Variants in AHNAK observed in about 807,000 individuals in gnomAD.
The protein encoded by AHNAK is neuroblast differentiation-associated protein AHNAK.
AHNAK carries 23 observed loss-of-function variants against 37.8 expected under a neutral mutation model. The ratio of observed to expected loss-of-function variants is 0.61; its 90% CI spans 0.44 to 0.86. The LOEUF is 0.86. AHNAK is among the 40% of genes least tolerant of loss of function. The pLI, the probability that AHNAK is intolerant of heterozygous loss-of-function variation, is 0.00. For synonymous variants in AHNAK, 2,481 were observed against 2,636.3 expected, an observed-to-expected ratio of 0.94 and a Z score of 1.80; for missense variants, 7,411 against 7,319.4, an observed-to-expected ratio of 1.01 and a Z score of -0.46.
At position 62,531,590 on chromosome 11, in the gene AHNAK, C is replaced by A. The variant is rs749460935; in HGVS notation, c.2827G>T (p.Ala943Ser). The part of the protein sequence containing the change: ...KFKMPEMNIK[A>S]PKISMPDVDL... ...ACATCAGGCATGGAGATCTTGGGGG[C>A]CTTGATATTCATCTCTGGCATCTTG... Residue 943 changes from alanine (A) to serine (S), a missense_variant, in exon 5 of 5, where the codon GCC becomes TCC. Transcript: ENST00000378024. The A allele has an allele frequency of 6.2e-7, 1 of 1,613,676 alleles. No individual in the cohort carries two copies. The highest frequency in any genetic ancestry group is 1.1e-5 in the South Asian group (1 of 91,034).
chr11:62,528,879 A>G lies in AHNAK; in HGVS notation c.5538T>C (p.Pro1846=). 1.2e-6 allele frequency: 2 copies of G among 1,611,418 alleles called. No homozygotes were observed. Among genetic ancestry groups the G allele is most frequent in the Non-Finnish European group, 1.7e-6 (2 of 1,179,240 alleles). ...AKLKGPKFKM[P]EMHFKAPKIS... ...TCTTGGGGGCCTTGAAGTGCATCTCAGGCATCTTAAACTTGGGCCCTTTCA... is the reference window on the plus strand; with the variant it reads ...TCTTGGGGGCCTTGAAGTGCATCTCGGGCATCTTAAACTTGGGCCCTTTCA... Residue 1846 remains proline, a synonymous_variant, in exon 5 of 5, where the codon CCT becomes CCC. Transcript: ENST00000378024.
intron 5 of AHNAK, among the ~76,000 whole-genome samples, chr11:62,475,668 G>A (rs1000615709): frequency 3.7e-4 from 55 of 146,670 alleles, no homozygotes; most frequent in African/African-American, 1.2e-3. Context: ...GCAGTGGCGC[G>A]ATCTCAGCTC....
In AHNAK at chr11:62,529,787, G is replaced by A; in HGVS notation, c.4630C>T (p.Pro1544Ser). ...LPKADLGVSG[P>S]KVDIDVPDVN... ...TCTGGAACATCAATGTCCACCTTGGGTCCTGAAACACCAAGGTCAGCCTTG... is the reference window on the plus strand; with the variant it reads ...TCTGGAACATCAATGTCCACCTTGGATCCTGAAACACCAAGGTCAGCCTTG... Residue 1544 changes from proline to serine, a missense_variant, in exon 5 of 5, where the codon CCC (proline) becomes TCC (serine). Pro to Ser is a moderately conservative substitution (Grantham distance 74, BLOSUM62 -1). Transcript: ENST00000378024. 6.2e-7 allele frequency: 1 copy of A among 1,614,092 alleles called. No individual in the cohort carries two copies. Among genetic ancestry groups the A allele is most frequent in the South Asian group, 1.1e-5 (1 of 91,084 alleles).
intron 5 of AHNAK, among the ~76,000 whole-genome samples, chr11:62,473,740 A>T (rs1474356283): frequency 6.6e-6 from 1 of 152,000 alleles, no homozygotes; most frequent in African/African-American, 2.4e-5. Flanking sequence ...GTCACGCTAT[A>T]ATCCCAGCAC....
Position 62,522,062 on chromosome 11 carries a change from T to C in AHNAK, c.12355A>G (p.Met4119Val). The change falls in exon 5 of 5, where the codon ATG becomes GTG. Residue 4119 changes from methionine to valine, a missense_variant. Physicochemically the swap from Met to Val is conservative, Grantham distance 21. Transcript: ENST00000378024. ...EGKLKGPKFK[M>V]PDLHLKAPKI... The stretch of plus-strand genomic sequence containing the variant: ...GGTGCCTTGAGGTGCAGGTCAGGCA[T>C]TTTAAATTTGGGGCCCTTCAGTTTC... The C allele has an allele frequency of 4.3e-6, 7 of 1,614,088 alleles. No individual in the cohort carries two copies. Among genetic ancestry groups the C allele is most frequent in the Non-Finnish European group, 5.9e-6 (7 of 1,180,018 alleles).
In AHNAK at chr11:62,529,073, A is replaced by G. The variant is rs1471651104; in HGVS notation, c.5344T>C (p.Ser1782Pro). The change falls in exon 5 of 5, where the codon TCC (serine) becomes CCC (proline). Residue 1782 changes from serine (S) to proline (P), a missense_variant. Physicochemically the swap from Ser to Pro is moderately conservative, Grantham distance 74. Coordinates refer to ENST00000378024, the MANE Select transcript of AHNAK (RefSeq NM_001620.3). ...PKLNIKAPKVSMPDVDLNLKG... is the reference protein window; with the variant it reads ...PKLNIKAPKVPMPDVDLNLKG... ...AAATTCAAGTCCACATCTGGCATGGAGACCTTGGGAGCTTTTATATTCAAC... is the reference window on the plus strand; with the variant it reads ...AAATTCAAGTCCACATCTGGCATGGGGACCTTGGGAGCTTTTATATTCAAC... The G allele has an allele frequency of 3.7e-6, 6 of 1,614,066 alleles. No individual in the cohort carries two copies. In the South Asian group the frequency reaches 5.5e-5, roughly 15 times the overall value.
intron 1 of AHNAK, among the ~76,000 whole-genome samples, chr11:62,543,890 G>A (rs2134272651): frequency 6.6e-6 from 1 of 152,348 alleles, no homozygotes; most frequent in African/African-American, 2.4e-5. Context: ...TCCGGGGAGA[G>A]AAACTTTGGG....
intron 3 of AHNAK, 88 bp downstream of exon 3, chr11:62,535,857 C>T: frequency 6.7e-7 from 1 of 1,502,562 alleles, no homozygotes; most frequent in Non-Finnish European, 8.9e-7. Flanking sequence ...GCCACTCACC[C>T]ACTTCTGCCT....
Position 62,529,955 on chromosome 11 carries a change from T to C in AHNAK, c.4462A>G (p.Lys1488Glu), listed in dbSNP as rs988670652. 6.2e-7 allele frequency: 1 copy of C among 1,613,330 alleles called. No homozygotes were observed. Among genetic ancestry groups the C allele is most frequent in the African/African-American group, 1.3e-5 (1 of 74,634 alleles). Residue 1488 changes from lysine to glutamate, a missense_variant, in exon 5 of 5, where the codon AAA becomes GAA. Lys to Glu is a moderately conservative substitution (Grantham distance 56, BLOSUM62 1). Coordinates refer to ENST00000378024, the MANE Select transcript of AHNAK (RefSeq NM_001620.3). Reference sequence around the variant, plus strand: ...GCATTAATATCAACTTTGGGGCCTTTGATGTCAACATCAGGAGCTTTTATC... The same window carrying C: ...GCATTAATATCAACTTTGGGGCCTTCGATGTCAACATCAGGAGCTTTTATC... ...GEIKAPDVDI[K>E]GPKVDINAPD...
In AHNAK at chr11:62,534,089, G is replaced by A. The variant is rs781209736; in HGVS notation, c.343-15C>T. On this transcript the variant is annotated splice_polypyrimidine_tract_variant and intron_variant, in intron 4 of 4. Coordinates refer to ENST00000378024, the MANE Select transcript of AHNAK (RefSeq NM_001620.3). ...TCATCCCCGCTCTGCAGAAAGACAC[G>A]CCGGGCAGAGGTTGCAGCAGAGTCT... is the stretch of plus-strand genomic sequence containing the variant. 3.5e-5 allele frequency: 53 copies of A among 1,523,766 alleles called. 1 individual carries two copies. In the Middle Eastern group the frequency reaches 3.4e-3, roughly 96 times the overall value. The allele number at this position is 1,523,766 out of a possible 1,614,324, so 94.4% of individuals were successfully genotyped here. A position where few individuals can be genotyped will look rare whatever the true frequency, so the allele number is the denominator to read the frequency against.
chr11:62,537,620 G>A (rs1276662574), intron 1 of AHNAK, among the ~76,000 whole-genome samples: 1 of 151,804 alleles, frequency 6.6e-6, no homozygotes, highest in African/African-American at 2.4e-5. Context: ...GTCTCTGAGA[G>A]AACAGCTTAC....
intron 5 of AHNAK, among the ~76,000 whole-genome samples, chr11:62,461,520 C>T (rs916631658): frequency 9.9e-5 from 15 of 152,078 alleles, no homozygotes; most frequent in South Asian, 4.1e-4. Context: ...TTCCATTTGT[C>T]AGAGTCAATA....
At chr11:62,461,926 C>A (rs943149969) in intron 5 of AHNAK, among the ~76,000 whole-genome samples, 2 of 151,776 alleles carry the variant, frequency 1.3e-5, no homozygotes, top group African/African-American at 4.8e-5. Flanking sequence ...GAAAAAAATA[C>A]CATGGCCATG....
chr11:62,523,596 C>A lies in AHNAK; in HGVS notation c.10821G>T (p.Met3607Ile). 6.2e-7 allele frequency: 1 copy of A among 1,614,168 alleles called. No individual in the cohort carries two copies. The highest frequency in any genetic ancestry group is 8.5e-7 in the Non-Finnish European group (1 of 1,180,028). ...TGAAGCCAGGCATGCTGAACTTGGG[C>A]ATTTTCACTTTGGGCATCTTCAGAT... ...DWHLKMPKVK[M>I]PKFSMPGFKG... is the part of the protein sequence containing the mutation. The change falls in exon 5 of 5, where the codon ATG (methionine) becomes ATT (isoleucine). Residue 3607 changes from methionine to isoleucine, a missense_variant. Coordinates refer to ENST00000378024, the MANE Select transcript of AHNAK (RefSeq NM_001620.3).
In AHNAK at chr11:62,461,143, C is replaced by CTTTT. The variant is rs71056521; in HGVS notation, c.443-27256_443-27253dup. The stretch of plus-strand genomic sequence containing the variant: ...GGCCACCACGCCCGGCCAAATTCCC[C>CTTTT]TTTTTTTTTTTTTTTTTTTTTGAGA... On this transcript the variant is annotated intron_variant, in intron 5 of 5. Coordinates refer to the AHNAK transcript ENST00000257247. Among the ~76,000 whole-genome samples, 531 of 79,806 alleles carry CTTTT rather than the reference C, an allele frequency of 6.7e-3. 42 individuals carry two copies. Among genetic ancestry groups the CTTTT allele is most frequent in the East Asian group, 0.048 (113 of 2,342 alleles). The allele number at this position is 79,806 out of a possible 152,430, so 52.4% of individuals were successfully genotyped here. A position where few individuals can be genotyped will look rare whatever the true frequency, so the allele number is the denominator to read the frequency against.
rs767026850 is a variant in AHNAK at position 62,526,190 on chromosome 11, T to C, written c.8227A>G (p.Ile2743Val). 6.2e-7 allele frequency: 1 copy of C among 1,613,736 alleles called. No homozygotes were observed. The highest frequency in any genetic ancestry group is 8.5e-7 in the Non-Finnish European group (1 of 1,179,956). ...EGDLKGPEVD[I>V]KGPKVDIDAP... ...TCAATGTCCACTTTTGGGCCCTTGA[T>C]GTCAACTTCTGGGCCCTTGAGGTCA... The change falls in exon 5 of 5, where the codon ATC becomes GTC. Residue 2743 changes from isoleucine (I) to valine (V), a missense_variant. Ile to Val is a conservative substitution (Grantham distance 29). Transcript: ENST00000378024.
rs763987892 is a variant in AHNAK, at chr11:62,525,690, T to C, written c.8727A>G (p.Ala2909=). Residue 2909 remains alanine, a synonymous_variant, in exon 5 of 5, where the codon GCA becomes GCG. Coordinates refer to ENST00000378024, the MANE Select transcript of AHNAK (RefSeq NM_001620.3). ...GGTTCACATCCACTTCAGGGCCCTC[T>C]GCTTTGAAGCCAGGCATGCTGAACT... ...MPKFSMPGFK[A]EGPEVDVNLP... The C allele has an allele frequency of 1.1e-5, 17 of 1,613,580 alleles. No individual in the cohort carries two copies. The highest frequency in any genetic ancestry group is 2.7e-5 in the African/African-American group (2 of 74,708).
intron 5 of AHNAK, among the ~76,000 whole-genome samples, chr11:62,444,262 GC>G (rs1938376838): frequency 6.6e-6 from 1 of 152,132 alleles, no homozygotes; most frequent in South Asian, 2.1e-4. Flanking sequence ...ACTCAAACCA[GC>G]CACCAAAACC....
At chr11:62,440,020 G>C (rs1378779242) in intron 5 of AHNAK, among the ~76,000 whole-genome samples, 2 of 152,072 alleles carry the variant, frequency 1.3e-5, no homozygotes, top group African/African-American at 4.8e-5. Flanking sequence ...CCTAAAACAG[G>C]GTTTCTCCAC....
Sources: allele counts gnomAD v4.1 joint callset (sites outside exome capture counted in the v4.1 genomes callset), GRCh38; gene constraint gnomAD v4.1.1; transcripts MANE v1.5; gene names NCBI Gene and HGNC (gene_info 2026-07-23, HGNC 2026-07-21).